Variants in SIPA1L3 observed in about 807,000 individuals in gnomAD.
SIPA1L3 encodes signal-induced proliferation-associated 1-like protein 3.
A neutral mutation model predicts 150.1 loss-of-function variants in SIPA1L3; 59 were observed. The ratio of observed to expected loss-of-function variants is 0.39; its 90% CI spans 0.32 to 0.49. The LOEUF is 0.49. Ranked by LOEUF, SIPA1L3 falls within the 20% of genes least tolerant of loss-of-function variation. The pLI is 0.86. For synonymous variants in SIPA1L3, 1,070 were observed against 1,077.6 expected, an observed-to-expected ratio of 0.99 and a Z score of 0.14; for missense variants, 2,211 against 2,489.5, an observed-to-expected ratio of 0.89 and a Z score of 2.38.
At position 38,130,707 on chromosome 19, in the gene SIPA1L3, G is replaced by A. The variant is rs1971288584; in HGVS notation, c.3078G>A (p.Leu1026=). 1.2e-6 allele frequency: 2 copies of A among 1,613,930 alleles called. No homozygotes were observed. The highest frequency in any genetic ancestry group is 1.7e-5 in the Admixed American group (1 of 60,010). ...VTLTHDQMID[L]LRTSVTVKVV... ...TGACCCACGACCAGATGATCGACCT[G>A]CTGCGCACCTCTGTCACTGTGAAGG... The change falls in exon 10 of 22, where the codon CTG becomes CTA. Residue 1026 remains leucine, a synonymous_variant. Transcript: ENST00000222345.
chr19:38,185,214 G>A (rs1329855915), intron 16 of SIPA1L3: 3 of 152,410 alleles, frequency 2.0e-5, no homozygotes, highest in Admixed American at 6.5e-5. Context: ...TCCCCCATGG[G>A]AAACAGGTGC....
chr19:38,152,430 C>T (rs1214594934), intron 12 of SIPA1L3, among the ~76,000 whole-genome samples: 22 of 152,200 alleles, frequency 1.4e-4, no homozygotes, highest in Non-Finnish European at 1.5e-5. Context: ...GAATGCTTCC[C>T]AACCTGCTGT....
intron 1 of SIPA1L3, among the ~76,000 whole-genome samples, chr19:37,935,686 A>AT (rs2046594475): frequency 6.6e-6 from 1 of 152,164 alleles, no homozygotes; most frequent in Non-Finnish European, 1.5e-5. Context: ...GTCTGTCCAT[A>AT]GTCTTGGGAC....
intron 12 of SIPA1L3, among the ~76,000 whole-genome samples, chr19:38,148,214 G>A (rs547702032): frequency 4.6e-5 from 7 of 151,972 alleles, no homozygotes; most frequent in South Asian, 2.1e-4. Flanking sequence ...AGCTGGGTAC[G>A]GTGGCAGGCG....
At chr19:38,171,967 A>G (rs1972338418) in intron 15 of SIPA1L3, among the ~76,000 whole-genome samples, 1 of 152,160 alleles carries the variant, frequency 6.6e-6, no homozygotes, top group Non-Finnish European at 1.5e-5. Flanking sequence ...TGGCCAGAAC[A>G]TTCAGGGCCC....
chr19:37,940,847 G>T (rs2046648074), intron 1 of SIPA1L3, among the ~76,000 whole-genome samples: 1 of 152,050 alleles, frequency 6.6e-6, no homozygotes, highest in Non-Finnish European at 1.5e-5. Flanking sequence ...TTCCTAAAGT[G>T]CTGGGATTGC....
chr19:37,919,699 C>T (rs1259078485), intron 1 of SIPA1L3, among the ~76,000 whole-genome samples: 1 of 141,442 alleles, frequency 7.1e-6, no homozygotes, highest in Non-Finnish European at 1.5e-5. Context: ...CCTTTGGGCC[C>T]TGAGGCTTTT....
At chr19:38,035,062 G>A (rs1873717229) in intron 2 of SIPA1L3, among the ~76,000 whole-genome samples, 1 of 152,188 alleles carries the variant, frequency 6.6e-6, no homozygotes, top group Non-Finnish European at 1.5e-5. Context: ...CAGGGGAGTG[G>A]GAACCCAGTG....
chr19:37,990,563 C>T (rs1044402426), intron 1 of SIPA1L3, among the ~76,000 whole-genome samples: 2 of 152,210 alleles, frequency 1.3e-5, no homozygotes, highest in Admixed American at 1.3e-4. Flanking sequence ...TGCAGGTGGA[C>T]GATGAGTACA....
intron 1 of SIPA1L3, among the ~76,000 whole-genome samples, chr19:37,989,626 C>T (rs1967447746): frequency 6.6e-6 from 1 of 151,660 alleles, no homozygotes; most frequent in African/African-American, 2.4e-5. Flanking sequence ...TAGGGAAATC[C>T]TCAGAACACA....
chr19:37,964,313 G>C (rs1376804702), intron 1 of SIPA1L3: 1 of 152,066 alleles, frequency 6.6e-6, no homozygotes, highest in African/African-American at 2.4e-5. Context: ...GGTTGCTTGA[G>C]CCCGGGAGGT....
chr19:38,145,242 A>G (rs1013244354), intron 12 of SIPA1L3, among the ~76,000 whole-genome samples: 4 of 151,228 alleles, frequency 2.6e-5, no homozygotes, highest in Admixed American at 6.6e-5. Context: ...CAAAAAAAAC[A>G]TACAGGTGGC....
intron 1 of SIPA1L3, among the ~76,000 whole-genome samples, chr19:37,979,327 T>A (rs1304643897): frequency 6.6e-6 from 1 of 151,990 alleles, no homozygotes; most frequent in Non-Finnish European, 1.5e-5. Context: ...GGCAGGTGGA[T>A]TTCCTGAGGT....
intron 4 of SIPA1L3, among the ~76,000 whole-genome samples, chr19:38,094,145 A>G (rs12971962): frequency 0.31 from 46,776 of 152,214 alleles, 8,143 homozygotes; most frequent in East Asian, 0.61. Context: ...TAGACAATAC[A>G]TAAGTATGCA....
intron 1 of SIPA1L3, among the ~76,000 whole-genome samples, chr19:38,012,194 A>C (rs1968117305): frequency 6.6e-6 from 1 of 151,604 alleles, no homozygotes; most frequent in Non-Finnish European, 1.5e-5. Flanking sequence ...TCCTGGCTCA[A>C]GCACCCTCAG....
intron 1 of SIPA1L3, among the ~76,000 whole-genome samples, chr19:38,001,716 C>T (rs1335554132): frequency 6.6e-6 from 1 of 152,246 alleles, no homozygotes; most frequent in Non-Finnish European, 1.5e-5. Context: ...GCATGAGCCA[C>T]CGTGCCTGGC....
chr19:38,166,682 C>T (rs1972218614), intron 15 of SIPA1L3, among the ~76,000 whole-genome samples: 1 of 152,100 alleles, frequency 6.6e-6, no homozygotes, highest in Admixed American at 6.6e-5. Context: ...TGTCCAGTGC[C>T]AGCCCCTGAG....
At chr19:38,001,112 T>G (rs1967798200) in intron 1 of SIPA1L3, among the ~76,000 whole-genome samples, 1 of 151,364 alleles carries the variant, frequency 6.6e-6, no homozygotes, top group South Asian at 2.1e-4. Flanking sequence ...AGGAAAAATG[T>G]TAAAAAGTTA....
At chr19:37,913,669 T>C (rs1383341474) in intron 1 of SIPA1L3, among the ~76,000 whole-genome samples, 2 of 151,658 alleles carry the variant, frequency 1.3e-5, no homozygotes, top group Admixed American at 6.6e-5. Context: ...GTGCTGGGAT[T>C]ACAGGCGTGA....
Sources: allele counts gnomAD v4.1 joint callset (sites outside exome capture counted in the v4.1 genomes callset), GRCh38; gene constraint gnomAD v4.1.1; transcripts MANE v1.5; gene names NCBI Gene and HGNC (gene_info 2026-07-23, HGNC 2026-07-21).